The following OSBPL10 variants were observed in gnomAD, a reference collection of about 807,000 sequenced individuals.
OSBPL10 encodes oxysterol-binding protein-related protein 10.
OSBPL10 carries 49 observed loss-of-function variants against 81.7 expected under a neutral mutation model. That is an observed-to-expected ratio of 0.60 (90% CI 0.48 to 0.76). OSBPL10 has a LOEUF of 0.76. OSBPL10 is among the 30% of genes least tolerant of loss of function. The pLI is 0.00. For synonymous variants in OSBPL10, 419 were observed against 383.6 expected, an observed-to-expected ratio of 1.09 and a Z score of -1.08; for missense variants, 923 against 987.8, an observed-to-expected ratio of 0.93 and a Z score of 0.88.
chr3:31,744,867 T>C (rs1242819976), intron 5 of OSBPL10, among the ~76,000 whole-genome samples: 1 of 151,612 alleles, frequency 6.6e-6, no homozygotes, highest in Admixed American at 6.6e-5. Flanking sequence ...AATAAGAAAA[T>C]GATTCAAGCT....
chr3:31,790,541 C>T (rs575657494), intron 4 of OSBPL10, among the ~76,000 whole-genome samples: 14 of 152,144 alleles, frequency 9.2e-5, no homozygotes, highest in African/African-American at 1.9e-4. Context: ...AAAATACTGA[C>T]GGGGGAAAAA....
intron 4 of OSBPL10, among the ~76,000 whole-genome samples, chr3:31,790,822 T>C (rs965893977): frequency 6.6e-6 from 1 of 152,192 alleles, no homozygotes; most frequent in Non-Finnish European, 1.5e-5. Flanking sequence ...GTTAACATCA[T>C]TGGAATCAGA....
chr3:32,057,287 CA>C (rs1177354519), intron 1 of OSBPL10, among the ~76,000 whole-genome samples: 3 of 152,232 alleles, frequency 2.0e-5, no homozygotes, highest in African/African-American at 7.2e-5. Context: ...GACTTGCCCC[CA>C]ATTTTTTTTT....
chr3:31,742,388 C>A (rs1018225394), intron 5 of OSBPL10, among the ~76,000 whole-genome samples: 4 of 152,200 alleles, frequency 2.6e-5, no homozygotes, highest in Non-Finnish European at 4.4e-5. Context: ...CCCCGCAAAT[C>A]TTTTAAGTGG....
intron 1 of OSBPL10, among the ~76,000 whole-genome samples, chr3:31,881,223 C>A (rs1238576145): frequency 6.6e-6 from 1 of 152,160 alleles, no homozygotes; most frequent in Non-Finnish European, 1.5e-5. Flanking sequence ...GTGTTTTCCT[C>A]CCCACAGCGC....
chr3:31,691,968 T>C (rs976839092), intron 7 of OSBPL10, among the ~76,000 whole-genome samples: 3 of 152,220 alleles, frequency 2.0e-5, no homozygotes, highest in Admixed American at 6.5e-5. Context: ...ACCTTTTCCC[T>C]AGGTTTCCTT....
At chr3:31,995,698 A>G (rs180761461) in intron 2 of OSBPL10, among the ~76,000 whole-genome samples, 2 of 152,324 alleles carry the variant, frequency 1.3e-5, no homozygotes, top group East Asian at 1.9e-4. Flanking sequence ...AGAAATTATG[A>G]AAGTATTATT....
At chr3:31,864,289 T>C (rs1701123158) in intron 3 of OSBPL10, among the ~76,000 whole-genome samples, 2 of 152,068 alleles carry the variant, frequency 1.3e-5, no homozygotes, top group South Asian at 4.2e-4. Flanking sequence ...CAGGCTGGAG[T>C]TGGAATGCAG....
At chr3:31,935,886 G>A (rs1697370663) in intron 1 of OSBPL10, among the ~76,000 whole-genome samples, 1 of 152,120 alleles carries the variant, frequency 6.6e-6, no homozygotes, top group African/African-American at 2.4e-5. Flanking sequence ...AAGGGGTTCT[G>A]GAAATAAAAT....
At chr3:31,833,586 G>A (rs1403139960) in intron 3 of OSBPL10, among the ~76,000 whole-genome samples, 2 of 152,058 alleles carry the variant, frequency 1.3e-5, no homozygotes, top group Non-Finnish European at 2.9e-5. Flanking sequence ...CAGTCGCTGA[G>A]TCACTGACCT....
At chr3:31,697,983 C>T (rs1044588957) in intron 7 of OSBPL10, among the ~76,000 whole-genome samples, 3 of 151,800 alleles carry the variant, frequency 2.0e-5, no homozygotes, top group Non-Finnish European at 4.4e-5. Flanking sequence ...AGGCTGGTCT[C>T]GAACTCCTAA....
At chr3:31,944,845 A>T (rs1697649935) in intron 1 of OSBPL10, among the ~76,000 whole-genome samples, 1 of 70,108 alleles carries the variant, frequency 1.4e-5, no homozygotes, top group African/African-American at 1.4e-4. Flanking sequence ...AAAAAAAAAA[A>T]AAAAAAAAAA....
chr3:31,695,337 C>A (rs1280812250), intron 7 of OSBPL10, among the ~76,000 whole-genome samples: 1 of 152,126 alleles, frequency 6.6e-6, no homozygotes. Context: ...TAACTGCCAC[C>A]CATAATCTCA....
At chr3:31,681,829 G>A (rs1181845190) in intron 8 of OSBPL10, among the ~76,000 whole-genome samples, 1 of 152,132 alleles carries the variant, frequency 6.6e-6, no homozygotes, top group African/African-American at 2.4e-5. Context: ...ATCTCAGCCA[G>A]GACCCTCCCT....
rs1006184605 is a variant in OSBPL10 at position 31,864,164 on chromosome 3, T to C, written c.537+12269A>G. On this transcript the variant is annotated intron_variant, in intron 3 of 11. Transcript: ENST00000396556. ...TAATGTCAGTGAGTACTGGTATATA[T>C]GGGAGCACAGAGAGAAGACCATGCT... Among the ~76,000 whole-genome samples, 11 of 152,178 alleles carry C rather than the reference T, an allele frequency of 7.2e-5. 1 individual carries two copies. Among genetic ancestry groups the C allele is most frequent in the Middle Eastern group, 6.3e-3 (2 of 316 alleles).
At chr3:31,968,742 A>C (rs182332375) in intron 1 of OSBPL10, among the ~76,000 whole-genome samples, 1 of 152,366 alleles carries the variant, frequency 6.6e-6, no homozygotes, top group African/African-American at 2.4e-5. Flanking sequence ...GATCTTTGAC[A>C]TAAAAATTCC....
At chr3:31,863,035 A>C (rs1211667230) in intron 3 of OSBPL10, among the ~76,000 whole-genome samples, 1 of 152,268 alleles carries the variant, frequency 6.6e-6, no homozygotes, top group Non-Finnish European at 1.5e-5. Context: ...CAAGCGATGA[A>C]GGGATTAAAA....
chr3:32,049,969 T>C (rs894571364), intron 1 of OSBPL10, among the ~76,000 whole-genome samples: 1 of 152,162 alleles, frequency 6.6e-6, no homozygotes, highest in African/African-American at 2.4e-5. Flanking sequence ...GTTATAGGAA[T>C]GGTAAAAATC....
chr3:31,788,783 A>G (rs189043368), intron 4 of OSBPL10, among the ~76,000 whole-genome samples: 28 of 152,292 alleles, frequency 1.8e-4, no homozygotes, highest in African/African-American at 6.5e-4. Context: ...GCCTCTAAAA[A>G]AAAATAATAA....
Sources: gnomAD v4.1 joint callset for allele counts (sites outside exome capture counted in the v4.1 genomes callset) on GRCh38, gnomAD v4.1.1 for gene constraint, MANE v1.5 for transcripts, NCBI Gene and HGNC (gene_info 2026-07-23, HGNC 2026-07-21) for gene names.